Variants in SLCO1B3 observed in about 807,000 individuals in gnomAD.
SLCO1B3 encodes the protein solute carrier organic anion transporter family member 1B3.
SLCO1B3 carries 72 observed loss-of-function variants against 71.8 expected under a neutral mutation model. The ratio of observed to expected loss-of-function variants is 1.00; its 90% CI spans 0.83 to 1.22. The LOEUF (loss-of-function observed/expected upper bound fraction) is 1.22. Ranked by LOEUF, SLCO1B3 falls within the 50% of genes most tolerant of loss-of-function variation. The pLI, the probability that SLCO1B3 is intolerant of heterozygous loss-of-function variation, is 0.00. For missense variants in SLCO1B3, 911 were observed against 819.7 expected (o/e 1.11, Z -1.36); for synonymous variants, 298 against 278.4 (o/e 1.07, Z -0.70).
chr12:20,831,452 G>A (rs1486424096), intron 3 of SLCO1B3, among the ~76,000 whole-genome samples: 1 of 150,582 alleles, frequency 6.6e-6, no homozygotes, highest in East Asian at 2.0e-4. Flanking sequence ...ATCTACAAGT[G>A]ATGTTTAAAG....
At chr12:20,825,063 A>C (rs1864391779) in intron 3 of SLCO1B3, among the ~76,000 whole-genome samples, 1 of 152,174 alleles carries the variant, frequency 6.6e-6, no homozygotes, top group Non-Finnish European at 1.5e-5. Context: ...TGTCTCTCAA[A>C]TCTTATAAAC....
intron 3 of SLCO1B3, among the ~76,000 whole-genome samples, chr12:20,825,261 C>T (rs1295717964): frequency 6.6e-6 from 1 of 152,088 alleles, no homozygotes; most frequent in Non-Finnish European, 1.5e-5. Context: ...TATGGAAACT[C>T]TGAACTAAGT....
At position 20,916,542 on chromosome 12, in the gene SLCO1B3, A is replaced by G. The variant is rs569431797; in HGVS notation, c.*295A>G. ...CAGTGACTAGAATATAAGGGAGGTA[A>G]AAAGGACAAGATAGATTAATAGCCT... On this transcript the variant is annotated 3_prime_UTR_variant, in exon 16 of 16. Coordinates refer to ENST00000381545, the MANE Select transcript of SLCO1B3 (RefSeq NM_019844.4). 1.9e-4 allele frequency: 39 copies of G among 208,792 alleles called. No individual in the cohort carries two copies. The highest frequency in any genetic ancestry group is 3.3e-4 in the Non-Finnish European group (34 of 102,706). 12.9% of individuals were successfully genotyped at this position (208,792 alleles called of 1,614,324 possible). A position where few individuals can be genotyped will look rare whatever the true frequency, so the allele number is the denominator to read the frequency against.
intron 15 of SLCO1B3, among the ~76,000 whole-genome samples, chr12:20,915,438 C>G (rs1393743453): frequency 6.6e-6 from 1 of 152,154 alleles, no homozygotes; most frequent in Non-Finnish European, 1.5e-5. Context: ...ATTTCCATCC[C>G]TGATATTCCC....
intron 15 of SLCO1B3, among the ~76,000 whole-genome samples, chr12:20,909,409 G>A (rs560745298): frequency 6.7e-6 from 1 of 149,802 alleles, no homozygotes; most frequent in Admixed American, 6.7e-5. Context: ...TCCTGACCTT[G>A]TGATCCGCCC....
intron 3 of SLCO1B3, among the ~76,000 whole-genome samples, chr12:20,835,221 A>G (rs2121148791): frequency 6.6e-6 from 1 of 152,026 alleles, no homozygotes; most frequent in African/African-American, 2.4e-5. Flanking sequence ...TCAGGAAACC[A>G]TTTTTCCCTT....
Position 20,819,256 on chromosome 12 carries a change from A to C in SLCO1B3, c.84+3434A>C, listed in dbSNP as rs141390360. ...GTTTTGTAAGGGATTGAGGTTTGGG[A>C]GATTAATCGGACACGATCATCAGGG... On this transcript the variant is annotated intron_variant, in intron 3 of 15. Transcript: ENST00000381545. 1.1e-4 allele frequency among the ~76,000 whole-genome samples: 16 copies of C among 152,256 alleles called. 1 individual carries two copies. Among genetic ancestry groups the C allele is most frequent in the African/African-American group, 3.9e-4 (16 of 41,540 alleles).
In SLCO1B3 at chr12:20,898,516, A is replaced by T; in HGVS notation, c.1747+16A>T. ...AGAACACTAGGTATGACAAATATAT[A>T]GATTATACATTTTAACATATAAATA... On this transcript the variant is annotated intron_variant, in intron 14 of 15. Transcript: ENST00000381545. 1 of 1,326,642 alleles carries T rather than the reference A, an allele frequency of 7.5e-7. No homozygotes were observed. Among genetic ancestry groups the T allele is most frequent in the Non-Finnish European group, 1.1e-6 (1 of 938,184 alleles). 82.2% of individuals were successfully genotyped at this position (1,326,642 alleles called of 1,614,324 possible).
intron 13 of SLCO1B3, among the ~76,000 whole-genome samples, chr12:20,893,516 G>C (rs888050651): frequency 4.6e-5 from 7 of 152,116 alleles, no homozygotes; most frequent in Admixed American, 3.3e-4. Flanking sequence ...AAAAATGAAA[G>C]ATCAATGAGA....
chr12:20,883,749 A>C lies in SLCO1B3; in HGVS notation c.1682+147A>C, dbSNP rs2053099. ...TGCATTTTCTTAGAATTATTTTGAT[A>C]TTTCAATAACATCATTAATAATTTT... On this transcript the variant is annotated intron_variant, in intron 13 of 15. Coordinates refer to ENST00000381545, the MANE Select transcript of SLCO1B3 (RefSeq NM_019844.4). The C allele has an allele frequency of 0.8, 438,146 of 545,990 alleles. 180,470 individuals are homozygous for C. The highest frequency in any genetic ancestry group is 0.91 in the South Asian group (32,791 of 36,098). 33.8% of individuals were successfully genotyped at this position (545,990 alleles called of 1,614,324 possible). A position where few individuals can be genotyped will look rare whatever the true frequency, so the allele number is the denominator to read the frequency against.
chr12:20,912,896 C>T (rs1866414374), intron 15 of SLCO1B3, among the ~76,000 whole-genome samples: 1 of 142,936 alleles, frequency 7.0e-6, no homozygotes, highest in Non-Finnish European at 1.5e-5. Context: ...AGTCTTGTGT[C>T]AAATTCTTGA....
At chr12:20,838,646 T>C (rs1274469375) in intron 3 of SLCO1B3, among the ~76,000 whole-genome samples, 1 of 152,118 alleles carries the variant, frequency 6.6e-6, no homozygotes, top group East Asian at 1.9e-4. Context: ...CAGCCTGTTA[T>C]TGTACTAAAT....
At chr12:20,868,549 T>C (rs1425920885) in intron 8 of SLCO1B3, among the ~76,000 whole-genome samples, 2 of 152,218 alleles carry the variant, frequency 1.3e-5, no homozygotes, top group Non-Finnish European at 2.9e-5. Context: ...TTTGACTCTT[T>C]TGTATGCCTC....
At chr12:20,904,730 G>A (rs1324223114) in intron 15 of SLCO1B3, among the ~76,000 whole-genome samples, 1 of 136,720 alleles carries the variant, frequency 7.3e-6, no homozygotes, top group African/African-American at 2.7e-5. Context: ...CACCCCTGCA[G>A]CAGACTTCTG....
intron 3 of SLCO1B3, among the ~76,000 whole-genome samples, 178 bp from the exon 4 acceptor site, chr12:20,854,850 G>C (rs1443349581): frequency 6.6e-6 from 1 of 152,208 alleles, no homozygotes; most frequent in South Asian, 2.1e-4. Context: ...TGCTTTAGTA[G>C]TGTACTGATG....
chr12:20,909,998 A>G (rs919977060), intron 15 of SLCO1B3, among the ~76,000 whole-genome samples: 8 of 152,198 alleles, frequency 5.3e-5, no homozygotes, highest in Non-Finnish European at 1.5e-5. Context: ...CTTTGTCAAT[A>G]AGTTCTTTCA....
intron 3 of SLCO1B3, among the ~76,000 whole-genome samples, chr12:20,850,666 A>T (rs890743395): frequency 5.9e-5 from 9 of 151,906 alleles, no homozygotes; most frequent in African/African-American, 2.2e-4. Context: ...CCTAACTTCC[A>T]CCCTCAGGTA....
chr12:20,888,947 TCATA>T (rs1470547382), intron 13 of SLCO1B3, among the ~76,000 whole-genome samples: 2 of 152,182 alleles, frequency 1.3e-5, no homozygotes, highest in Non-Finnish European at 2.9e-5. Flanking sequence ...ATTTATTTTA[TCATA>T]CGCTTTTTGA....
chr12:20,874,605 C>A (rs1043172688), intron 8 of SLCO1B3, among the ~76,000 whole-genome samples: 2 of 152,176 alleles, frequency 1.3e-5, no homozygotes, highest in Non-Finnish European at 2.9e-5. Context: ...TACTCTTATA[C>A]ATACTTTAAG....
Sources: allele counts gnomAD v4.1 joint callset (sites outside exome capture counted in the v4.1 genomes callset), GRCh38; gene constraint gnomAD v4.1.1; transcripts MANE v1.5; gene names NCBI Gene and HGNC (gene_info 2026-07-23, HGNC 2026-07-21).